MAP3K7CL: variants seen among roughly 807,000 people sequenced by gnomAD.
MAP3K7CL encodes the protein MAP3K7 C-terminal like.
In MAP3K7CL, 16 loss-of-function variants were observed where a neutral mutation model predicts 18.6. That is an observed-to-expected ratio of 0.86 (90% CI 0.58 to 1.31). The LOEUF is 1.31. MAP3K7CL is among the 50% of genes most tolerant of loss of function. The probability of loss-of-function intolerance (pLI) is 0.00; values close to 1 mark genes in which losing one functional copy is unlikely to be tolerated. For missense variants in MAP3K7CL, 163 were observed against 174.4 expected, an observed-to-expected ratio of 0.93 and a Z score of 0.37; for synonymous variants, 65 against 66.8, an observed-to-expected ratio of 0.97 and a Z score of 0.13.
rs557166274 is a variant in MAP3K7CL, at chr21:29,090,103, C to T, written c.58-1398C>T. ...CAGTAATGTGAAATGTTAACTCATC[C>T]ATTCATTTATTCATTCTGCAGTATT... On this transcript the variant is annotated intron_variant, in intron 1 of 6. Transcript: ENST00000286791. Among the ~76,000 whole-genome samples, 18 of 152,202 alleles carry T rather than the reference C, an allele frequency of 1.2e-4. 1 individual carries two copies. In the South Asian group the frequency reaches 1.9e-3, roughly 16 times the overall value.
rs566414826 is a variant in MAP3K7CL at position 29,145,454 on chromosome 21, A to G, written c.71-3735A>G. ...CAAATGTTTTTGGAACAGCTGTGCTACAAGTCAGCATGAGTCATTTTCCTT... is the reference window on the plus strand; with the variant it reads ...CAAATGTTTTTGGAACAGCTGTGCTGCAAGTCAGCATGAGTCATTTTCCTT... On this transcript the variant is annotated intron_variant, in intron 2 of 4. Coordinates refer to ENST00000399928, the MANE Select transcript of MAP3K7CL (RefSeq NM_001286620.2). 4 of 152,358 alleles carry G rather than the reference A, an allele frequency of 2.6e-5. No individual in the cohort carries two copies. In the South Asian group the frequency reaches 8.3e-4, roughly 32 times the overall value. 9.4% of individuals were successfully genotyped at this position (152,358 alleles called of 1,614,324 possible).
chr21:29,136,399 T>A (rs1490196204), intron 2 of MAP3K7CL, among the ~76,000 whole-genome samples: 3 of 152,240 alleles, frequency 2.0e-5, no homozygotes, highest in Non-Finnish European at 2.9e-5. Flanking sequence ...ATGAGGGCAC[T>A]AATGTGGACT....
chr21:29,160,115 G>C, intron 4 of MAP3K7CL, 59 bp downstream of exon 4: 2 of 1,384,190 alleles, frequency 1.4e-6, no homozygotes, highest in Non-Finnish European at 2.0e-6. Context: ...AAGGACCAGG[G>C]GCAATGGGCA....
chr21:29,159,556 A>G (rs1457764716), intron 3 of MAP3K7CL, among the ~76,000 whole-genome samples: 1 of 152,228 alleles, frequency 6.6e-6, no homozygotes, highest in Non-Finnish European at 1.5e-5. Flanking sequence ...GAAACAGACA[A>G]CTGAACTATT....
At chr21:29,145,774 AC>A in intron 2 of MAP3K7CL, 1 of 152,240 alleles carries the variant, frequency 6.6e-6, no homozygotes, top group East Asian at 1.9e-4. Flanking sequence ...GGTTAATCCA[AC>A]TTGATCCATT....
Position 29,088,011 on chromosome 21 carries a change from G to A in MAP3K7CL, c.57+2094G>A, listed in dbSNP as rs115624733. Among the ~76,000 whole-genome samples the A allele has an allele frequency of 8.2e-3, 1,249 of 152,180 alleles. 15 individuals are homozygous for A. The highest frequency in any genetic ancestry group is 0.028 in the African/African-American group (1,163 of 41,508). Reference sequence around the variant, plus strand: ...CTTAGCTTCCCAAAGAGGAAATTACGATTGTATTTTAATCTACTCACTAAG... The same window carrying A: ...CTTAGCTTCCCAAAGAGGAAATTACAATTGTATTTTAATCTACTCACTAAG... On this transcript the variant is annotated intron_variant, in intron 1 of 6. Transcript: ENST00000286791.
intron 4 of MAP3K7CL, among the ~76,000 whole-genome samples, chr21:29,163,186 T>C (rs1251119365): frequency 6.6e-6 from 1 of 152,166 alleles, no homozygotes; most frequent in Non-Finnish European, 1.5e-5. Context: ...AGTGGAGGTA[T>C]TTTATACAAC....
upstream of MAP3K7CL, among the ~76,000 whole-genome samples, chr21:29,085,396 A>T (rs148294808): frequency 1.2e-3 from 187 of 152,186 alleles, 1 homozygote; most frequent in Middle Eastern, 3.4e-3. Flanking sequence ...CAAAATAAAG[A>T]TCCCTGCACC....
chr21:29,174,603 TCAGAACA>T, intron 4 of MAP3K7CL, 102 bp from the exon 5 acceptor site: 1 of 1,373,340 alleles, frequency 7.3e-7, no homozygotes, highest in African/African-American at 1.4e-5. Flanking sequence ...GGGAAAAAAT[TCAGAACA>T]GCAGAATGAA....
At chr21:29,132,987 A>T (rs145099885) in intron 1 of MAP3K7CL, among the ~76,000 whole-genome samples, 2 of 152,220 alleles carry the variant, frequency 1.3e-5, no homozygotes, top group East Asian at 1.9e-4. Flanking sequence ...AATACTTTAT[A>T]TGACCTTAAA....
chr21:29,120,951 G>C (rs189451119), intron 4 of MAP3K7CL, among the ~76,000 whole-genome samples: 31 of 149,692 alleles, frequency 2.1e-4, no homozygotes, highest in African/African-American at 7.6e-4. Flanking sequence ...CTGTAGTTCC[G>C]GCTACTTGGG....
chr21:29,104,487 C>G (rs2086286265), intron 4 of MAP3K7CL, among the ~76,000 whole-genome samples: 1 of 152,142 alleles, frequency 6.6e-6, no homozygotes, highest in African/African-American at 2.4e-5. Flanking sequence ...GCAAATCCCC[C>G]ACGTGGAGGC....
At chr21:29,104,423 G>T (rs2086285227) in intron 4 of MAP3K7CL, among the ~76,000 whole-genome samples, 1 of 152,138 alleles carries the variant, frequency 6.6e-6, no homozygotes, top group Non-Finnish European at 1.5e-5. Flanking sequence ...GCCTGTGTTG[G>T]TGATGCCTGT....
In MAP3K7CL at chr21:29,133,359, C is replaced by G; in HGVS notation, c.15C>G (p.Ala5=). 6.4e-7 allele frequency: 1 copy of G among 1,550,472 alleles called. No individual in the cohort carries two copies. The highest frequency in any genetic ancestry group is 1.2e-5 in the South Asian group (1 of 84,034). The change falls in exon 2 of 5, where the codon GCC becomes GCG. Residue 5 remains alanine, a synonymous_variant. Transcript: ENST00000399928. MIST[A]RVPADKPVRI... Reference sequence around the variant, plus strand: ...CAGGTGCCCACATGATCAGCACAGCCAGGGTACCTGCTGACAAGCCTGTAC... The same window carrying G: ...CAGGTGCCCACATGATCAGCACAGCGAGGGTACCTGCTGACAAGCCTGTAC...
chr21:29,088,898 G>C (rs1423623406), intron 1 of MAP3K7CL, among the ~76,000 whole-genome samples: 1 of 152,154 alleles, frequency 6.6e-6, no homozygotes, highest in East Asian at 1.9e-4. Context: ...CTGGCCAGGC[G>C]TGGTGGTTCA....
intron 4 of MAP3K7CL, among the ~76,000 whole-genome samples, chr21:29,171,990 A>G (rs888996176): frequency 1.5e-5 from 2 of 129,082 alleles, no homozygotes; most frequent in Admixed American, 7.6e-5. Context: ...AAATACATGT[A>G]TGTATACGTA....
intron 1 of MAP3K7CL, among the ~76,000 whole-genome samples, chr21:29,088,080 A>G (rs2085958575): frequency 6.6e-6 from 1 of 152,316 alleles, no homozygotes; most frequent in East Asian, 1.9e-4. Flanking sequence ...TTAGATAGGG[A>G]CCATATTTCT....
At chr21:29,151,159 G>A (rs905323155) in intron 3 of MAP3K7CL, among the ~76,000 whole-genome samples, 3 of 151,652 alleles carry the variant, frequency 2.0e-5, no homozygotes, top group African/African-American at 7.3e-5. Context: ...GCTGCTGGTG[G>A]TGTAATTGGG....
intron 3 of MAP3K7CL, among the ~76,000 whole-genome samples, chr21:29,156,591 G>A (rs908191368): frequency 2.0e-5 from 3 of 152,194 alleles, no homozygotes; most frequent in Non-Finnish European, 2.9e-5. Flanking sequence ...CTCTCAAAAG[G>A]TAAGGTAAGA....
Sources: gnomAD v4.1 joint callset for allele counts (sites outside exome capture counted in the v4.1 genomes callset) on GRCh38, gnomAD v4.1.1 for gene constraint, MANE v1.5 for transcripts, NCBI Gene and HGNC (gene_info 2026-07-23, HGNC 2026-07-21) for gene names.